Variants in FAM168A observed in about 807,000 individuals in gnomAD.
FAM168A encodes the protein protein FAM168A.
A neutral mutation model predicts 28.5 loss-of-function variants in FAM168A; 3 were observed. That is an observed-to-expected ratio of 0.11 (90% CI 0.05 to 0.27). The LOEUF is 0.27. Ranked by LOEUF, FAM168A falls within the 10% of genes least tolerant of loss-of-function variation. The probability of loss-of-function intolerance (pLI) is 1.00; values close to 1 mark genes in which losing one functional copy is unlikely to be tolerated. For missense variants in FAM168A, 222 were observed against 311.5 expected, an observed-to-expected ratio of 0.71 and a Z score of 2.16; for synonymous variants, 122 against 124.2, an observed-to-expected ratio of 0.98 and a Z score of 0.12.
chr11:73,556,673 C>A (rs1349938525), intron 1 of FAM168A, among the ~76,000 whole-genome samples: 1 of 151,766 alleles, frequency 6.6e-6, no homozygotes, highest in South Asian at 2.1e-4. Context: ...AAACTATACA[C>A]TTTCAAAAAA....
At chr11:73,571,006 A>T (rs993369681) in intron 1 of FAM168A, among the ~76,000 whole-genome samples, 1 of 152,166 alleles carries the variant, frequency 6.6e-6, no homozygotes, top group Non-Finnish European at 1.5e-5. Context: ...AACTGTCCTG[A>T]ACAACAACTA....
chr11:73,562,158 G>T (rs1943966923), intron 1 of FAM168A, among the ~76,000 whole-genome samples: 2 of 152,180 alleles, frequency 1.3e-5, no homozygotes, highest in Non-Finnish European at 2.9e-5. Flanking sequence ...GGTCAGGCTG[G>T]TCTCAAACTC....
intron 2 of FAM168A, among the ~76,000 whole-genome samples, chr11:73,444,924 C>T (rs1393712103): frequency 1.3e-5 from 2 of 152,156 alleles, no homozygotes; most frequent in African/African-American, 2.4e-5. Flanking sequence ...AATGAGCATA[C>T]ACTGTTTTGG....
chr11:73,460,599 G>A (rs1489346927), intron 2 of FAM168A, among the ~76,000 whole-genome samples: 3 of 148,692 alleles, frequency 2.0e-5, no homozygotes, highest in Admixed American at 6.8e-5. Context: ...TGCTTCCTGA[G>A]TTCAAGCGAT....
intron 2 of FAM168A, among the ~76,000 whole-genome samples, chr11:73,458,798 G>A (rs1867587135): frequency 1.3e-5 from 2 of 152,104 alleles, no homozygotes; most frequent in Non-Finnish European, 2.9e-5. Flanking sequence ...TTTTAGTAGA[G>A]ATGGGGTTTC....
intron 1 of FAM168A, among the ~76,000 whole-genome samples, chr11:73,556,758 C>T (rs749951279): frequency 1.3e-4 from 19 of 151,868 alleles, no homozygotes; most frequent in Non-Finnish European, 7.4e-5. Context: ...CAGTGGCTCA[C>T]GTTGGTAATC....
intron 3 of FAM168A, 105 bp downstream of exon 3, chr11:73,430,585 C>T: frequency 1.9e-6 from 2 of 1,056,822 alleles, no homozygotes; most frequent in South Asian, 1.3e-5. Context: ...GAGGCTGCGC[C>T]CGGAGCAATT....
At chr11:73,433,075 C>CATT in intron 2 of FAM168A, among the ~76,000 whole-genome samples, 1 of 123,442 alleles carries the variant, frequency 8.1e-6, no homozygotes, top group African/African-American at 3.9e-5. Context: ...CCACGCCCCG[C>CATT]CTTTTTTTTT....
intron 4 of FAM168A, among the ~76,000 whole-genome samples, chr11:73,418,480 C>T (rs1347357428): frequency 1.3e-5 from 2 of 152,214 alleles, no homozygotes; most frequent in African/African-American, 4.8e-5. Context: ...CCTGCAGAAC[C>T]GTAAGCCAAT....
chr11:73,556,519 G>A (rs193269691), intron 1 of FAM168A, among the ~76,000 whole-genome samples: 1 of 152,060 alleles, frequency 6.6e-6, no homozygotes, highest in African/African-American at 2.4e-5. Flanking sequence ...AAGATCGAAT[G>A]GGGATTGTCA....
intron 1 of FAM168A, among the ~76,000 whole-genome samples, chr11:73,498,552 C>T (rs527496932): frequency 4.6e-5 from 7 of 152,280 alleles, no homozygotes; most frequent in African/African-American, 1.4e-4. Context: ...CTGTCTAAGC[C>T]GTTTGAGCTC....
intron 1 of FAM168A, among the ~76,000 whole-genome samples, chr11:73,553,219 A>AT (rs1027651040): frequency 2.6e-5 from 4 of 152,008 alleles, no homozygotes; most frequent in Admixed American, 6.6e-5. Flanking sequence ...CTAATTCTAG[A>AT]TTTTTTTTCA....
intron 1 of FAM168A, among the ~76,000 whole-genome samples, chr11:73,569,877 C>T (rs1944066138): frequency 6.8e-6 from 1 of 146,198 alleles, no homozygotes. Flanking sequence ...AGATGTGAAG[C>T]TCTAATCAAC....
intron 1 of FAM168A, among the ~76,000 whole-genome samples, chr11:73,588,806 A>T (rs907203630): frequency 2.6e-5 from 4 of 152,162 alleles, no homozygotes; most frequent in South Asian, 2.1e-4. Flanking sequence ...TTTGGGAGAT[A>T]ATTAGGTTTA....
chr11:73,489,473 A>G (rs568430381), intron 1 of FAM168A, among the ~76,000 whole-genome samples: 27 of 151,118 alleles, frequency 1.8e-4, no homozygotes, highest in Admixed American at 1.6e-3. Context: ...AGCATTTAAC[A>G]TAATTGATCA....
At chr11:73,512,391 C>T (rs1176044521) in intron 1 of FAM168A, among the ~76,000 whole-genome samples, 1 of 151,958 alleles carries the variant, frequency 6.6e-6, no homozygotes, top group Non-Finnish European at 1.5e-5. Context: ...TATTGGTTGT[C>T]AGGGCCTAGG....
intron 1 of FAM168A, among the ~76,000 whole-genome samples, chr11:73,473,006 T>C (rs1867836596): frequency 6.6e-6 from 1 of 151,966 alleles, no homozygotes; most frequent in South Asian, 2.1e-4. Context: ...TCTTTGGTGG[T>C]TCTGTGGAGG....
intron 2 of FAM168A, among the ~76,000 whole-genome samples, chr11:73,462,930 A>G (rs373013605): frequency 1.4e-5 from 2 of 144,394 alleles, no homozygotes; most frequent in Non-Finnish European, 3.1e-5. Flanking sequence ...GAGAAGAGAA[A>G]AGAGAAGAGA....
chr11:73,556,150 C>CCTG (rs1943886716), intron 1 of FAM168A, among the ~76,000 whole-genome samples: 1 of 8,260 alleles, frequency 1.2e-4, no homozygotes, highest in Non-Finnish European at 2.2e-4. Flanking sequence ...TCAAGAACAG[C>CCTG]CTGGGCAACA....
Sources: allele counts gnomAD v4.1 joint callset (sites outside exome capture counted in the v4.1 genomes callset), GRCh38; gene constraint gnomAD v4.1.1; transcripts MANE v1.5; gene names NCBI Gene and HGNC (gene_info 2026-07-23, HGNC 2026-07-21).